Variants in INO80 observed in about 807,000 individuals in gnomAD.
INO80 encodes the protein chromatin-remodeling ATPase INO80.
A neutral mutation model predicts 203.4 loss-of-function variants in INO80; 20 were observed. The ratio of observed to expected loss-of-function variants is 0.10; its 90% CI spans 0.07 to 0.14. INO80 has a LOEUF of 0.14. INO80 is among the 10% of genes least tolerant of loss of function. The probability of loss-of-function intolerance (pLI) is 1.00; values close to 1 mark genes in which losing one functional copy is unlikely to be tolerated. For missense variants in INO80, 1,419 were observed against 1,914.4 expected (o/e 0.74, Z 4.83); for synonymous variants, 726 against 685.2 (o/e 1.06, Z -0.93).
intron 24 of INO80, among the ~76,000 whole-genome samples, chr15:41,037,038 G>A (rs376877776): frequency 1.3e-5 from 2 of 152,206 alleles, no homozygotes; most frequent in Non-Finnish European, 2.9e-5. Context: ...GGGAGGTGGA[G>A]GTTACAGTGA....
In INO80 at chr15:41,049,334, A is replaced by G; in HGVS notation, c.2529T>C (p.Phe843=). The part of the protein sequence containing the change: ...ISLKPYHISK[F]IYRHGQIRVF... ...CCCTGATCTGTCCATGACGGTAGATAAACTTTGAAATGTGGTATGGCTTTA... is the reference window on the plus strand; with the variant it reads ...CCCTGATCTGTCCATGACGGTAGATGAACTTTGAAATGTGGTATGGCTTTA... Residue 843 remains phenylalanine, a synonymous_variant, in exon 21 of 36, where the codon TTT becomes TTC. Transcript: ENST00000648947. 1 of 1,613,966 alleles carries G rather than the reference A, an allele frequency of 6.2e-7. No individual in the cohort carries two copies. Among genetic ancestry groups the G allele is most frequent in the Non-Finnish European group, 8.5e-7 (1 of 1,179,822 alleles).
intron 24 of INO80, among the ~76,000 whole-genome samples, chr15:41,036,644 ATT>A (rs2044580517): frequency 6.6e-6 from 1 of 152,138 alleles, no homozygotes; most frequent in African/African-American, 2.4e-5. Context: ...ATCCACCAAT[ATT>A]GTTATTAATA....
At chr15:41,076,517 G>A (rs928563275) in intron 9 of INO80, among the ~76,000 whole-genome samples, 1 of 150,060 alleles carries the variant, frequency 6.7e-6, no homozygotes, top group Non-Finnish European at 1.5e-5. Context: ...CCTTTCAGGT[G>A]GACTGCTTGA....
At chr15:41,053,596 T>C (rs780889803) in intron 19 of INO80, among the ~76,000 whole-genome samples, 1 of 152,196 alleles carries the variant, frequency 6.6e-6, no homozygotes, top group Non-Finnish European at 1.5e-5. Context: ...TAAACAAATA[T>C]TCATTTATAA....
chr15:41,072,102 A>G, intron 11 of INO80, 44 bp from the exon 12 acceptor site: 1 of 1,288,764 alleles, frequency 7.8e-7, no homozygotes, highest in Non-Finnish European at 1.1e-6. Context: ...AAAAAAGAGG[A>G]AAAATATTAC....
chr15:41,046,546 G>A (rs1231150153), intron 23 of INO80, among the ~76,000 whole-genome samples: 1 of 149,880 alleles, frequency 6.7e-6, no homozygotes, highest in African/African-American at 2.5e-5. Flanking sequence ...ATATTATGAA[G>A]CATCATACAA....
At chr15:41,038,981 G>A (rs918415301) in intron 24 of INO80, among the ~76,000 whole-genome samples, 2 of 152,168 alleles carry the variant, frequency 1.3e-5, no homozygotes, top group Admixed American at 6.5e-5. Flanking sequence ...AAGACAAATA[G>A]GGCTGGGACG....
At chr15:41,021,642 T>G (rs953870404) in intron 25 of INO80, among the ~76,000 whole-genome samples, 1 of 152,234 alleles carries the variant, frequency 6.6e-6, no homozygotes, top group Non-Finnish European at 1.5e-5. Flanking sequence ...CTGACCAGGT[T>G]GCTGACTGAC....
rs1039859785 is a variant in INO80 at position 41,005,699 on chromosome 15, G to A, written c.3403-12C>T. ...TAAACCATGTATTCCTGCCAACCAG[G>A]ATAAAAGGACACAGTAAATCTGATG... On this transcript the variant is annotated splice_polypyrimidine_tract_variant and intron_variant, in intron 27 of 35. Transcript: ENST00000648947. The A allele has an allele frequency of 7.0e-7, 1 of 1,434,566 alleles. No homozygotes were observed. Among genetic ancestry groups the A allele is most frequent in the South Asian group, 1.2e-5 (1 of 86,314 alleles). 88.9% of individuals were successfully genotyped at this position (1,434,566 alleles called of 1,614,324 possible). A position where few individuals can be genotyped will look rare whatever the true frequency, so the allele number is the denominator to read the frequency against.
At chr15:40,997,667 GAGAGATCTCTGAATAC>G (rs1418753040) in intron 28 of INO80, 66 bp from the exon 29 acceptor site, 27 of 1,030,040 alleles carry the variant, frequency 2.6e-5, no homozygotes, top group Non-Finnish European at 3.8e-5. Flanking sequence ...TATCAATAGA[GAGAGATCTCTGAATAC>G]AGAACATAAA....
At position 41,080,784 on chromosome 15, in the gene INO80, G is replaced by A. The variant is rs567426474; in HGVS notation, c.927+236C>T. Among the ~76,000 whole-genome samples, 11 of 152,150 alleles carry A rather than the reference G, an allele frequency of 7.2e-5. No homozygotes were observed. The East Asian group carries it at 1.9e-3, about 27-fold the overall frequency. Reference sequence around the variant, plus strand: ...GGAGAATCGCTTGAACCTGGGAGACGGTGGTTGCAGTGAGCCAAGATCACT... The same window carrying A: ...GGAGAATCGCTTGAACCTGGGAGACAGTGGTTGCAGTGAGCCAAGATCACT... On this transcript the variant is annotated intron_variant, in intron 8 of 35. Coordinates refer to ENST00000648947, the MANE Select transcript of INO80 (RefSeq NM_017553.3).
rs1893883767 is a variant in INO80, at chr15:40,982,897, G to C, written c.4418C>G (p.Ala1473Gly). ...AKAGAAAASA[A>G]AYAAYGYNVS... ...GTTGTACCCGTATGCGGCATAGGCA[G>C]CTGCAGAGGCCGCTGCAGCCCCGGC... The change falls in exon 35 of 36, where the codon GCT becomes GGT. Residue 1473 changes from alanine (A) to glycine (G), a missense_variant. Physicochemically the swap from Ala to Gly is moderately conservative, Grantham distance 60. Around this residue, in one of 9 missense-constraint regions of INO80, gnomAD observed 8 missense variants for 25.0 expected, o/e 0.32. Coordinates refer to ENST00000648947, the MANE Select transcript of INO80 (RefSeq NM_017553.3). 6.2e-7 allele frequency: 1 copy of C among 1,613,718 alleles called. No individual in the cohort carries two copies. Among genetic ancestry groups the C allele is most frequent in the Non-Finnish European group, 8.5e-7 (1 of 1,180,024 alleles).
At chr15:41,069,807 A>G in intron 13 of INO80, 142 bp from the exon 14 acceptor site, 1 of 599,946 alleles carries the variant, frequency 1.7e-6, no homozygotes. Context: ...CTGCACATTC[A>G]ATAGTAATAT....
chr15:41,051,791 T>C (rs2044876644), intron 19 of INO80, among the ~76,000 whole-genome samples: 1 of 152,026 alleles, frequency 6.6e-6, no homozygotes, highest in Non-Finnish European at 1.5e-5. Context: ...ACCTCATCTC[T>C]ACTAAAAATA....
intron 27 of INO80, among the ~76,000 whole-genome samples, chr15:41,011,140 C>T (rs1257652439): frequency 6.6e-6 from 1 of 152,228 alleles, no homozygotes; most frequent in East Asian, 1.9e-4. Context: ...TACTCTTGTA[C>T]CTTTCTATCT....
Position 41,087,668 on chromosome 15 carries a change from C to T in INO80, c.552G>A (p.Gln184=). The change falls in exon 6 of 36, where the codon CAG becomes CAA. Residue 184 remains glutamine (Q), a synonymous_variant. Transcript: ENST00000648947. ...TGGAGAGCAGGCCTGCACTGTAGTACTGATATTGCTGCAACTGAAGCAGGC... is the reference window on the plus strand; with the variant it reads ...TGGAGAGCAGGCCTGCACTGTAGTATTGATATTGCTGCAACTGAAGCAGGC... The part of the protein sequence containing the change: ...YSKDKELQQY[Q]YYSAGLLSTY... 6.2e-7 allele frequency: 1 copy of T among 1,611,498 alleles called. No individual in the cohort carries two copies. The highest frequency in any genetic ancestry group is 8.5e-7 in the Non-Finnish European group (1 of 1,179,076).
intron 27 of INO80, 52 bp downstream of exon 27, chr15:41,016,036 C>T (rs911423922): frequency 6.8e-7 from 1 of 1,475,490 alleles, no homozygotes; most frequent in Non-Finnish European, 9.4e-7. Context: ...ACATCTGATT[C>T]CTACAAATTA....
chr15:41,109,931 CAA>C (rs578187934), intron 1 of INO80, among the ~76,000 whole-genome samples: 8 of 122,738 alleles, frequency 6.5e-5, no homozygotes, highest in Admixed American at 1.7e-4. Flanking sequence ...GACTCCACCT[CAA>C]AAAAAAAAAA....
chr15:40,985,242 C>A, intron 32 of INO80, 96 bp downstream of exon 32: 1 of 833,638 alleles, frequency 1.2e-6, no homozygotes, highest in Non-Finnish European at 2.1e-6. Flanking sequence ...TTGATAGCAA[C>A]CAGTAACCAA....
Sources: gnomAD v4.1 joint callset for allele counts (sites outside exome capture counted in the v4.1 genomes callset) on GRCh38, gnomAD v4.1.1 for gene constraint, gnomAD v4.1.1 regional missense constraint, MANE v1.5 for transcripts, NCBI Gene and HGNC (gene_info 2026-07-23, HGNC 2026-07-21) for gene names.